The following MED12 variants were observed in gnomAD, a reference collection of about 807,000 sequenced individuals.
MED12 encodes the protein mediator of RNA polymerase II transcription subunit 12.
A neutral mutation model predicts 177.7 loss-of-function variants in MED12; 10 were observed. The ratio of observed to expected loss-of-function variants is 0.06; its 90% CI spans 0.03 to 0.10. The LOEUF is 0.10. Ranked by LOEUF, MED12 falls within the 10% of genes least tolerant of loss-of-function variation. The pLI is 1.00. For synonymous variants in MED12, 641 were observed against 678.4 expected, an observed-to-expected ratio of 0.94 and a Z score of 0.86; for missense variants, 867 against 1,780.8, an observed-to-expected ratio of 0.49 and a Z score of 9.23.
chrX:71,122,659 A>T, intron 9 of MED12, 52 bp downstream of exon 9: 1 of 1,199,018 alleles, frequency 8.3e-7, no homozygotes, highest in Non-Finnish European at 1.1e-6. Flanking sequence ...AAGGATGGGG[A>T]TAGTAAGGAC....
rs767241359 is a variant in MED12, at chrX:71,137,248, A to C, written c.5613A>C (p.Arg1871=). The C allele has an allele frequency of 9.9e-6, 12 of 1,211,566 alleles. No individual in the cohort carries two copies. Among genetic ancestry groups the C allele is most frequent in the Non-Finnish European group, 1.3e-5 (12 of 895,391 alleles). Residue 1871 remains arginine, a synonymous_variant, in exon 39 of 45, where the codon CGA becomes CGC. Transcript: ENST00000374080. ...TACCAATGCAGAAGCTGCCCACCCG[A>C]CCAACTTACCCTGGAGTGCTGCCCA... ...VRLPMQKLPT[R]PTYPGVLPTT... is the part of the protein sequence containing the mutation.
chrX:71,125,351 G>C lies in MED12; in HGVS notation c.2227G>C (p.Glu743Gln). 8.3e-7 allele frequency: 1 copy of C among 1,211,015 alleles called. No homozygotes were observed. Among genetic ancestry groups the C allele is most frequent in the Non-Finnish European group, 1.1e-6 (1 of 895,307 alleles). ...QYATHFPIPQ[E>Q]ESCSHECNQR... Reference sequence around the variant, plus strand: ...GTCTGATGGTGCTGCTGGGATGCAGGAGGAGTCATGCAGCCATGAGTGCAA... The same window carrying C: ...GTCTGATGGTGCTGCTGGGATGCAGCAGGAGTCATGCAGCCATGAGTGCAA... Residue 743 changes from glutamate (E) to glutamine (Q), a missense_variant and splice_region_variant, in exon 16 of 45, where the codon GAG becomes CAG. Around this residue, in one of 14 missense-constraint regions of MED12, gnomAD observed 309 missense variants for 556.3 expected, o/e 0.56. Coordinates refer to ENST00000374080, the MANE Select transcript of MED12 (RefSeq NM_005120.3).
At chrX:71,129,534 C>CT in intron 26 of MED12, 105 bp downstream of exon 26, 1 of 975,374 alleles carries the variant, frequency 1.0e-6, no homozygotes. Flanking sequence ...TCTCTCTGAC[C>CT]TTTGGGGAGG....
In MED12 at chrX:71,127,578, C is replaced by T. The variant is rs1322176325; in HGVS notation, c.2981+111C>T. On this transcript the variant is annotated intron_variant, in intron 21 of 44. Transcript: ENST00000374080. ...CGGGACCCTGCTGCCTGTCTAGGGTCATTTGTGGACTGTGTCCTCCACATA... is the reference window on the plus strand; with the variant it reads ...CGGGACCCTGCTGCCTGTCTAGGGTTATTTGTGGACTGTGTCCTCCACATA... The T allele has an allele frequency of 4.4e-6, 3 of 675,275 alleles. No individual in the cohort carries two copies. The African/African-American group carries it at 6.4e-5, about 14-fold the overall frequency. The allele number at this position is 675,275 out of a possible 1,213,427, so 55.7% of individuals were successfully genotyped here.
chrX:71,131,769 G>T, intron 29 of MED12, 148 bp downstream of exon 29: 1 of 611,106 alleles, frequency 1.6e-6, no homozygotes. Flanking sequence ...AACAAGTGGA[G>T]CTGATGATAA....
chrX:71,142,303 TA>T lies in MED12; in HGVS notation c.*86del, dbSNP rs2092350341. ...AATCCCATTCCTGGGCTAGCACCAG[TA>T]GTGGTTGGGGCCCTCCCCTCAGGCT... On this transcript the variant is annotated 3_prime_UTR_variant, in exon 45 of 45. Coordinates refer to ENST00000374080, the MANE Select transcript of MED12 (RefSeq NM_005120.3). 1.3e-5 allele frequency: 13 copies of T among 1,015,857 alleles called. No homozygotes were observed. Among genetic ancestry groups the T allele is most frequent in the Non-Finnish European group, 1.5e-5 (11 of 719,096 alleles). The allele number at this position is 1,015,857 out of a possible 1,213,427, so 83.7% of individuals were successfully genotyped here. A position where few individuals can be genotyped will look rare whatever the true frequency, so the allele number is the denominator to read the frequency against.
intron 34 of MED12, 26 bp downstream of exon 34, chrX:71,134,492 C>G: frequency 4.0e-6 from 4 of 996,106 alleles, no homozygotes; most frequent in Non-Finnish European, 5.6e-6. Flanking sequence ...CCGCTCCCTG[C>G]AGTTTCATAC....
chrX:71,128,188 G>A lies in MED12; in HGVS notation c.3209+68G>A, dbSNP rs1407926902. 38 of 1,185,957 alleles carry A rather than the reference G, an allele frequency of 3.2e-5. No homozygotes were observed. The Admixed American group carries it at 6.3e-4, about 20-fold the overall frequency. ...TGAGATAGGGAGGGCTGAGGTACCC[G>A]GGAGGTACTACAACCTTGATTATTT... On this transcript the variant is annotated intron_variant, in intron 22 of 44. Coordinates refer to ENST00000374080, the MANE Select transcript of MED12 (RefSeq NM_005120.3).
chrX:71,134,267 A>C, intron 33 of MED12, 90 bp from the exon 34 acceptor site: 1 of 487,985 alleles, frequency 2.0e-6, no homozygotes, highest in Non-Finnish European at 3.6e-6. Context: ...GCATGAACTC[A>C]GGCGTCCCAA....
chrX:71,132,762 T>C (rs866222608), intron 31 of MED12, 83 bp from the exon 32 acceptor site: 36 of 732,995 alleles, frequency 4.9e-5, no homozygotes, highest in Non-Finnish European at 6.8e-5. Context: ...CCTCTCCTCT[T>C]CTCTCCTCTT....
At position 71,129,673 on chromosome X, in the gene MED12, A is replaced by G. The variant is rs1014804538; in HGVS notation, c.3692-7A>G. On this transcript the variant is annotated splice_polypyrimidine_tract_variant and splice_region_variant and intron_variant, in intron 26 of 44. Transcript: ENST00000374080. Reference sequence around the variant, plus strand: ...TGCCCTCCCTATCTCCCACCCGTGAACCACAGGGGATGCGGAACTGAAAGG... The same window carrying G: ...TGCCCTCCCTATCTCCCACCCGTGAGCCACAGGGGATGCGGAACTGAAAGG... 6.8e-6 allele frequency: 8 copies of G among 1,177,475 alleles called. No individual in the cohort carries two copies. Among genetic ancestry groups the G allele is most frequent in the Middle Eastern group, 2.5e-4 (1 of 4,023 alleles).
intron 20 of MED12, 45 bp downstream of exon 20, chrX:71,127,177 C>T (rs1293966799): frequency 3.4e-6 from 4 of 1,179,741 alleles, no homozygotes; most frequent in Non-Finnish European, 3.4e-6. Context: ...CTGGCGAATG[C>T]CGGTGGAAGT....
Position 71,128,582 on chromosome X carries a change from C to G in MED12, c.3355-16C>G, listed in dbSNP as rs201933970. 8.3e-6 allele frequency: 10 copies of G among 1,210,815 alleles called. No homozygotes were observed. In the South Asian group the frequency reaches 1.8e-4, roughly 21 times the overall value. On this transcript the variant is annotated splice_polypyrimidine_tract_variant and intron_variant, in intron 23 of 44. Coordinates refer to ENST00000374080, the MANE Select transcript of MED12 (RefSeq NM_005120.3). Reference sequence around the variant, plus strand: ...CTCCACACTGAGTCATGGTGTCTGTCTGTTTTTTCCTCCAGGTCAGTGACC... The same window carrying G: ...CTCCACACTGAGTCATGGTGTCTGTGTGTTTTTTCCTCCAGGTCAGTGACC...
chrX:71,118,694 C>A lies in MED12; in HGVS notation c.-61C>A. The A allele has an allele frequency of 3.6e-6, 4 of 1,108,109 alleles. No individual in the cohort carries two copies. The highest frequency in any genetic ancestry group is 2.5e-6 in the Non-Finnish European group (2 of 815,475). The allele number at this position is 1,108,109 out of a possible 1,213,427, so 91.3% of individuals were successfully genotyped here. A position where few individuals can be genotyped will look rare whatever the true frequency, so the allele number is the denominator to read the frequency against. On this transcript the variant is annotated 5_prime_UTR_variant, in exon 1 of 45. Coordinates refer to ENST00000374080, the MANE Select transcript of MED12 (RefSeq NM_005120.3). ...CCCCCCTTTTCGGCTCCCTCTCCCC[C>A]TTCCCGTTCCCCCAGTCAGCCTGGC...
chrX:71,119,420 T>A lies in MED12; in HGVS notation c.147T>A (p.Pro49=), dbSNP rs774875020. 72 of 1,201,805 alleles carry A rather than the reference T, an allele frequency of 6.0e-5. No homozygotes were observed. The highest frequency in any genetic ancestry group is 8.0e-5 in the Non-Finnish European group (71 of 889,784). Residue 49 remains proline (P), a synonymous_variant, in exon 2 of 45, where the codon CCT becomes CCA. Transcript: ENST00000374080. ...LNVKQGFNNQ[P]AVSGDEHGSA... ...TAAAACAAGGTTTCAATAACCAGCCTGCTGTCTCTGGGGATGAGCATGGCA... is the reference window on the plus strand; with the variant it reads ...TAAAACAAGGTTTCAATAACCAGCCAGCTGTCTCTGGGGATGAGCATGGCA...
intron 41 of MED12, among the ~76,000 whole-genome samples, chrX:71,138,907 G>A (rs1329649223): frequency 6.2e-5 from 7 of 112,074 alleles, no homozygotes; most frequent in Admixed American, 9.4e-5. Flanking sequence ...CATGGTTAAC[G>A]TTAGTCAAGC....
At chrX:71,127,560 C>G (rs2092306435) in intron 21 of MED12, 93 bp downstream of exon 21, 22 of 818,952 alleles carry the variant, frequency 2.7e-5, no homozygotes, top group Non-Finnish European at 4.0e-5. Context: ...GCCCGGGACC[C>G]TGCTGCCTGT....
intron 31 of MED12, 83 bp downstream of exon 31, chrX:71,132,621 G>T: frequency 9.3e-7 from 1 of 1,076,744 alleles, no homozygotes; most frequent in Non-Finnish European, 1.3e-6. Flanking sequence ...ATGGGCCAAG[G>T]AGAAGCATCA....
rs1157737345 is a variant in MED12 at position 71,134,694 on chromosome X, C to G, written c.4728-19C>G. 8.3e-7 allele frequency: 1 copy of G among 1,208,359 alleles called. No individual in the cohort carries two copies. The highest frequency in any genetic ancestry group is 3.0e-5 in the East Asian group (1 of 33,741). The stretch of plus-strand genomic sequence containing the variant: ...TCACCTCTTTCTTCTTTGGTTTTCT[C>G]TCTGGCTTCCTGTCTCAGTGAGCTC... On this transcript the variant is annotated intron_variant, in intron 34 of 44. Transcript: ENST00000374080.
Sources: allele counts gnomAD v4.1 joint callset (sites outside exome capture counted in the v4.1 genomes callset), GRCh38; gene constraint gnomAD v4.1.1; regional missense constraint gnomAD v4.1.1; transcripts MANE v1.5; gene names NCBI Gene and HGNC (gene_info 2026-07-23, HGNC 2026-07-21).